BMP3: variants seen among roughly 807,000 people sequenced by gnomAD.
The protein encoded by BMP3 is bone morphogenetic protein 3, also known as bone morphogenetic protein 3 (osteogenic).
A neutral mutation model predicts 38.1 loss-of-function variants in BMP3; 23 were observed. The ratio of observed to expected loss-of-function variants is 0.60; its 90% confidence interval spans 0.43 to 0.86. BMP3 has a LOEUF of 0.86. Among genes scored for constraint, BMP3 ranks in the 40% least tolerant of loss-of-function variants. BMP3 has a pLI of 0.00. For synonymous variants in BMP3, 258 were observed against 225.7 expected (o/e 1.14, Z -1.28); for missense variants, 628 against 579.6 (o/e 1.08, Z -0.86).
In BMP3 at chr4:81,031,505, G is replaced by T. The variant is rs772205872; in HGVS notation, c.221G>T (p.Arg74Leu). ...AGGTACAGCACGGTCCAGGCGGCCC[G>T]GACACCGGGCTCCCTGGAGGGAGGC... ...YDRYSTVQAA[R>L]TPGSLEGGSQ... The change falls in exon 1 of 3, where the codon CGG becomes CTG. Residue 74 changes from arginine (R) to leucine (L), a missense_variant. By Grantham distance (102) the Arg-to-Leu change is moderately radical. Coordinates refer to ENST00000282701, the MANE Select transcript of BMP3 (RefSeq NM_001201.5). 1 of 1,612,694 alleles carries T rather than the reference G, an allele frequency of 6.2e-7. No homozygotes were observed. Among genetic ancestry groups the T allele is most frequent in the East Asian group, 2.2e-5 (1 of 44,798 alleles).
chr4:81,049,747 A>G (rs886746971), intron 2 of BMP3, among the ~76,000 whole-genome samples: 1 of 152,184 alleles, frequency 6.6e-6, no homozygotes. Flanking sequence ...TGTTATCTGC[A>G]CCGTGTCCAA....
chr4:81,039,498 G>A (rs1419297896), intron 1 of BMP3, among the ~76,000 whole-genome samples: 1 of 152,138 alleles, frequency 6.6e-6, no homozygotes, highest in South Asian at 2.1e-4. Context: ...TCCTGGAGAG[G>A]CACTGAAGTG....
chr4:81,032,270 T>A (rs1739800978), intron 1 of BMP3, among the ~76,000 whole-genome samples: 1 of 134,034 alleles, frequency 7.5e-6, no homozygotes, highest in Non-Finnish European at 1.6e-5. Flanking sequence ...TAAACAGGGG[T>A]TGTACCATCC....
At chr4:81,044,251 A>G (rs901636436) in intron 1 of BMP3, among the ~76,000 whole-genome samples, 1 of 152,052 alleles carries the variant, frequency 6.6e-6, no homozygotes, top group Non-Finnish European at 1.5e-5. Flanking sequence ...ATCCTCCATA[A>G]CTCTGAGCTT....
chr4:81,032,209 A>AAAAC (rs965730168), intron 1 of BMP3, among the ~76,000 whole-genome samples: 4 of 150,532 alleles, frequency 2.7e-5, no homozygotes, highest in Admixed American at 1.3e-4. Context: ...AAAAAAAAAA[A>AAAAC]AAAAAAAAAA....
At position 81,054,800 on chromosome 4, in the gene BMP3, CCTT is replaced by C. The variant is rs1409352538; in HGVS notation, c.*1270_*1272del. The C allele has an allele frequency of 2.0e-5, 3 of 152,146 alleles. No homozygotes were observed. Among genetic ancestry groups the C allele is most frequent in the East Asian group, 1.9e-4 (1 of 5,200 alleles). 9.4% of individuals were successfully genotyped at this position (152,146 alleles called of 1,614,324 possible). A position where few individuals can be genotyped will look rare whatever the true frequency, so the allele number is the denominator to read the frequency against. On this transcript the variant is annotated 3_prime_UTR_variant, in exon 3 of 3. Transcript: ENST00000282701. Reference sequence around the variant, plus strand: ...TTAGTCTTCAAAATTATTTCAATATCCTTCTTCTCACTATATTTATTTGTGTGA... The same window carrying C: ...TTAGTCTTCAAAATTATTTCAATATCCTTCTCACTATATTTATTTGTGTGA...
At chr4:81,045,675 T>C in intron 1 of BMP3, 63 bp from the exon 2 acceptor site, 1 of 1,325,610 alleles carries the variant, frequency 7.5e-7, no homozygotes. Flanking sequence ...TTGAGTTAAT[T>C]GTCATATAGT....
In BMP3 at chr4:81,046,544, C is replaced by G; in HGVS notation, c.1123C>G (p.Leu375Val). 6.2e-7 allele frequency: 1 copy of G among 1,614,112 alleles called. No homozygotes were observed. Among genetic ancestry groups the G allele is most frequent in the Non-Finnish European group, 8.5e-7 (1 of 1,180,010 alleles). ...ACCTCGGAATTGCGCCAGGAGATAC[C>G]TCAAGGTAGACTTTGCAGATATTGG... Reference protein sequence around the residue: ...IEPRNCARRYLKVDFADIGWS... With the variant: ...IEPRNCARRYVKVDFADIGWS... Residue 375 changes from leucine (L) to valine (V), a missense_variant, in exon 2 of 3, where the codon CTC (leucine) becomes GTC (valine). Physicochemically the swap from Leu to Val is conservative, Grantham distance 32. Transcript: ENST00000282701.
chr4:81,051,282 C>T (rs984504486), intron 2 of BMP3, among the ~76,000 whole-genome samples: 1 of 152,084 alleles, frequency 6.6e-6, no homozygotes, highest in Admixed American at 6.6e-5. Flanking sequence ...GGAACTATTT[C>T]CACAGAAATG....
At position 81,032,194 on chromosome 4, in the gene BMP3, C is replaced by CAAAAAA. The variant is rs5859748; in HGVS notation, c.316+615_316+620dup. Among the ~76,000 whole-genome samples, 619 of 73,992 alleles carry CAAAAAA rather than the reference C, an allele frequency of 8.4e-3. 134 individuals carry two copies. The highest frequency in any genetic ancestry group is 0.014 in the African/African-American group (292 of 20,680). 48.5% of individuals were successfully genotyped at this position (73,992 alleles called of 152,430 possible). A position where few individuals can be genotyped will look rare whatever the true frequency, so the allele number is the denominator to read the frequency against. On this transcript the variant is annotated intron_variant, in intron 1 of 2. Transcript: ENST00000282701. ...ACTTTACTTGATAGTTCCTTAGTGG[C>CAAAAAA]AAAAAAAAAAAAAAAAAAAAAAAAA...
At chr4:81,049,070 G>GTAAATAT (rs1740337147) in intron 2 of BMP3, among the ~76,000 whole-genome samples, 1 of 152,148 alleles carries the variant, frequency 6.6e-6, no homozygotes, top group Non-Finnish European at 1.5e-5. Flanking sequence ...ATAGTAAATA[G>GTAAATAT]TAAAAATAAT....
chr4:81,030,731 A>G lies in BMP3; in HGVS notation c.-554A>G, dbSNP rs770692613. On this transcript the variant is annotated 5_prime_UTR_variant, in exon 1 of 3. Coordinates refer to ENST00000282701, the MANE Select transcript of BMP3 (RefSeq NM_001201.5). ...GTCTCTCTCTCTCATACACACACACACACGCACACACGCGCGCGCGCGCGC... is the reference window on the plus strand; with the variant it reads ...GTCTCTCTCTCTCATACACACACACGCACGCACACACGCGCGCGCGCGCGC... 4.0e-5 allele frequency among the ~76,000 whole-genome samples: 6 copies of G among 151,762 alleles called. No homozygotes were observed. The highest frequency in any genetic ancestry group is 8.8e-5 in the Non-Finnish European group (6 of 67,958).
At position 81,046,215 on chromosome 4, in the gene BMP3, T is replaced by C. The variant is rs1372220966; in HGVS notation, c.794T>C (p.Phe265Ser). 6.2e-7 allele frequency: 1 copy of C among 1,614,070 alleles called. No homozygotes were observed. The highest frequency in any genetic ancestry group is 8.5e-7 in the Non-Finnish European group (1 of 1,180,014). ...TCAAGCTTACAGGGACACCGGAATTTTCCCACTGGAACTGTTCCCAAATGG... is the reference window on the plus strand; with the variant it reads ...TCAAGCTTACAGGGACACCGGAATTCTCCCACTGGAACTGTTCCCAAATGG... ...VVSSLQGHRNFPTGTVPKWDS... is the reference protein window; with the variant it reads ...VVSSLQGHRNSPTGTVPKWDS... Residue 265 changes from phenylalanine (F) to serine (S), a missense_variant, in exon 2 of 3, where the codon TTT (phenylalanine) becomes TCT (serine). By Grantham distance (155) the Phe-to-Ser change is radical (BLOSUM62 -2). Coordinates refer to ENST00000282701, the MANE Select transcript of BMP3 (RefSeq NM_001201.5).
intron 2 of BMP3, among the ~76,000 whole-genome samples, chr4:81,051,813 T>A (rs1201737533): frequency 6.6e-6 from 1 of 152,114 alleles, no homozygotes; most frequent in African/African-American, 2.4e-5. Context: ...AGTTAACCAG[T>A]CTTTTTAACA....
chr4:81,044,770 A>G (rs1740185312), intron 1 of BMP3, among the ~76,000 whole-genome samples: 1 of 152,180 alleles, frequency 6.6e-6, no homozygotes, highest in African/African-American at 2.4e-5. Context: ...AGTTTTTTCA[A>G]GGTTCATCCA....
Position 81,031,610 on chromosome 4 carries a change from C to A in BMP3, c.316+10C>A, listed in dbSNP as rs547689676. On this transcript the variant is annotated intron_variant, in intron 1 of 2. Transcript: ENST00000282701. ...CGGGCGGCAGCAGCAGGTGAGTGCG[C>A]GAGGTGAGACTCCCTTCCCGCGGTC... The A allele has an allele frequency of 1.9e-6, 3 of 1,570,756 alleles. No individual in the cohort carries two copies. The highest frequency in any genetic ancestry group is 1.3e-5 in the African/African-American group (1 of 74,130).
Position 81,053,589 on chromosome 4 carries a change from G to A in BMP3, c.*53G>A, listed in dbSNP as rs1193673609. On this transcript the variant is annotated 3_prime_UTR_variant, in exon 3 of 3. Coordinates refer to ENST00000282701, the MANE Select transcript of BMP3 (RefSeq NM_001201.5). ...AATTCAATCATTAGTTTATTTTTAT[G>A]GACTTCTTCCTGTTTTTTTTTTTTT... 4 of 1,007,940 alleles carry A rather than the reference G, an allele frequency of 4.0e-6. No individual in the cohort carries two copies. In the African/African-American group the frequency reaches 5.2e-5, roughly 13 times the overall value. 62.4% of individuals were successfully genotyped at this position (1,007,940 alleles called of 1,614,324 possible).
At chr4:81,042,555 G>T (rs1181838164) in intron 1 of BMP3, among the ~76,000 whole-genome samples, 1 of 152,238 alleles carries the variant, frequency 6.6e-6, no homozygotes, top group East Asian at 1.9e-4. Flanking sequence ...CAGTAAGACA[G>T]ATTCTGAGAC....
intron 1 of BMP3, among the ~76,000 whole-genome samples, chr4:81,042,614 A>G (rs1740110656): frequency 6.6e-6 from 1 of 152,228 alleles, no homozygotes; most frequent in South Asian, 2.1e-4. Context: ...AGGCTAATTA[A>G]CAGCAGGTCA....
Sources: gnomAD v4.1 joint callset for allele counts (sites outside exome capture counted in the v4.1 genomes callset) on GRCh38, gnomAD v4.1.1 for gene constraint, MANE v1.5 for transcripts, NCBI Gene and HGNC (gene_info 2026-07-23, HGNC 2026-07-21) for gene names.